MTPN: variants seen among roughly 807,000 people sequenced by gnomAD.
MTPN encodes the protein granule cell differentiation protein.
Under a neutral mutation model 13.5 loss-of-function variants are expected in MTPN, and 2 were observed. The ratio of observed to expected loss-of-function variants is 0.15; its 90% CI spans 0.06 to 0.47. MTPN has a LOEUF of 0.47. Among genes scored for constraint, MTPN ranks in the 20% least tolerant of loss-of-function variants. The probability of loss-of-function intolerance (pLI) is 0.97; values close to 1 mark genes in which losing one functional copy is unlikely to be tolerated. For missense variants in MTPN, 79 were observed against 137.9 expected, an observed-to-expected ratio of 0.57 and a Z score of 2.14; for synonymous variants, 46 against 51.7, an observed-to-expected ratio of 0.89 and a Z score of 0.48.
chr7:135,963,615 T>C (rs1462993623), intron 1 of MTPN, among the ~76,000 whole-genome samples: 1 of 152,062 alleles, frequency 6.6e-6, no homozygotes, highest in Non-Finnish European at 1.5e-5. Context: ...TGACATATTT[T>C]CTGAAATGTT....
intron 1 of MTPN, among the ~76,000 whole-genome samples, chr7:135,955,198 A>C (rs753547474): frequency 3.3e-5 from 5 of 152,212 alleles, no homozygotes; most frequent in Non-Finnish European, 5.9e-5. Flanking sequence ...TACTGGAAAA[A>C]TAGAAAGATT....
intron 1 of MTPN, among the ~76,000 whole-genome samples, chr7:135,952,741 C>T (rs377165819): frequency 6.6e-6 from 1 of 152,160 alleles, no homozygotes; most frequent in Non-Finnish European, 1.5e-5. Context: ...ACTGGTACAT[C>T]ACTTGAGCCT....
chr7:135,933,553 CTTATAG>C (rs1252000891), intron 3 of MTPN, among the ~76,000 whole-genome samples: 1 of 151,968 alleles, frequency 6.6e-6, no homozygotes, highest in East Asian at 1.9e-4. Flanking sequence ...TTTATCAATT[CTTATAG>C]TTAAGTAAGT....
intron 1 of MTPN, among the ~76,000 whole-genome samples, chr7:135,972,160 CA>C (rs34871826): frequency 1.4e-4 from 20 of 139,166 alleles, no homozygotes; most frequent in African/African-American, 2.4e-4. Context: ...GTGTTGTTAG[CA>C]AAAAAAAAAA....
chr7:135,964,088 A>G (rs73164920), intron 1 of MTPN, among the ~76,000 whole-genome samples: 9,891 of 152,072 alleles, frequency 0.065, 358 homozygotes, highest in African/African-American at 0.081. Flanking sequence ...TTTGGAAAAA[A>G]GACTAACAAT....
chr7:135,965,611 A>AGACTG (rs1233377851), intron 1 of MTPN, among the ~76,000 whole-genome samples: 1 of 152,078 alleles, frequency 6.6e-6, no homozygotes, highest in East Asian at 1.9e-4. Flanking sequence ...ACTTTTAGTG[A>AGACTG]GACTGTATAG....
At chr7:135,976,818 A>C (rs1026744283) in intron 1 of MTPN, among the ~76,000 whole-genome samples, 1 of 152,090 alleles carries the variant, frequency 6.6e-6, no homozygotes, top group African/African-American at 2.4e-5. Context: ...TTAACGCAGC[A>C]GTTACCTGAC....
At chr7:135,964,330 G>A (rs1370800220) in intron 1 of MTPN, among the ~76,000 whole-genome samples, 2 of 151,998 alleles carry the variant, frequency 1.3e-5, no homozygotes, top group Non-Finnish European at 2.9e-5. Flanking sequence ...ACCTACCAAA[G>A]AAAACTCATC....
chr7:135,933,025 G>A (rs76995083), intron 3 of MTPN: 11,876 of 150,136 alleles, frequency 0.079, 532 homozygotes, highest in Admixed American at 0.1. Context: ...AGGAGGCGGA[G>A]GTTGCAGTGA....
At chr7:135,932,899 G>T (rs796110757) in intron 3 of MTPN, 1 of 151,992 alleles carries the variant, frequency 6.6e-6, no homozygotes, top group Non-Finnish European at 1.5e-5. Context: ...AGACCAGCCC[G>T]GCCAACATGG....
intron 1 of MTPN, among the ~76,000 whole-genome samples, chr7:135,955,526 C>A (rs1799429312): frequency 6.6e-6 from 1 of 152,110 alleles, no homozygotes; most frequent in South Asian, 2.1e-4. Flanking sequence ...CCAATTCTAC[C>A]CACTCTTCCC....
chr7:135,964,618 C>G (rs1028712366), intron 1 of MTPN, among the ~76,000 whole-genome samples: 2 of 152,038 alleles, frequency 1.3e-5, no homozygotes, highest in Admixed American at 1.3e-4. Context: ...TTTCAGAAAT[C>G]TAGGCCTCTT....
At chr7:135,961,278 A>G (rs1439404889) in intron 1 of MTPN, among the ~76,000 whole-genome samples, 2 of 151,946 alleles carry the variant, frequency 1.3e-5, no homozygotes, top group Non-Finnish European at 2.9e-5. Context: ...CCTATAGATT[A>G]TAAGAACTCA....
chr7:135,950,316 C>T (rs966012932), intron 3 of MTPN, among the ~76,000 whole-genome samples: 2 of 152,124 alleles, frequency 1.3e-5, no homozygotes, highest in Non-Finnish European at 2.9e-5. Context: ...TCTTCTATAT[C>T]ATCAAGTACA....
At position 135,977,138 on chromosome 7, in the gene MTPN, T is replaced by G. The variant is rs1372769460; in HGVS notation, c.-38A>C. 1 of 1,609,186 alleles carries G rather than the reference T, an allele frequency of 6.2e-7. No individual in the cohort carries two copies. Among genetic ancestry groups the G allele is most frequent in the East Asian group, 2.2e-5 (1 of 44,832 alleles). ...GCAGGCCGGTTGGCCGGGCAGAAGA[T>G]GAGGAGGCGGTGGCAGCAGCAAGCG... On this transcript the variant is annotated 5_prime_UTR_variant, in exon 1 of 4. Coordinates refer to ENST00000393085, the MANE Select transcript of MTPN (RefSeq NM_145808.4).
chr7:135,950,639 T>TA lies in MTPN; in HGVS notation c.229dup (p.Tyr77LeufsTer2). 6.2e-7 allele frequency: 1 copy of TA among 1,613,400 alleles called. No homozygotes were observed. Among genetic ancestry groups the TA allele is most frequent in the Non-Finnish European group, 8.5e-7 (1 of 1,179,470 alleles). ...TTTCACACAGGAAACATGACCCTCA[T>TA]AGACAGCAGACAGAAGAGGAGTAAT... On this transcript the variant is annotated frameshift_variant, in exon 3 of 4. Coordinates refer to ENST00000393085, the MANE Select transcript of MTPN (RefSeq NM_145808.4). LOFTEE classifies it high-confidence loss of function.
rs1798926386 is a variant in MTPN, at chr7:135,926,765, C to A, written c.*3161G>T. 1 of 152,708 alleles carries A rather than the reference C, an allele frequency of 6.5e-6. No individual in the cohort carries two copies. The highest frequency in any genetic ancestry group is 2.4e-5 in the African/African-American group (1 of 41,544). The allele number at this position is 152,708 out of a possible 1,614,324, so 9.5% of individuals were successfully genotyped here. A position where few individuals can be genotyped will look rare whatever the true frequency, so the allele number is the denominator to read the frequency against. On this transcript the variant is annotated 3_prime_UTR_variant, in exon 4 of 4. Transcript: ENST00000393085. ...AATGCTGCTGACACATTAGCTGTAG[C>A]ACAATTCAAGTTTATTCCATTTGTT...
chr7:135,954,505 C>T (rs1799411182), intron 1 of MTPN, among the ~76,000 whole-genome samples: 1 of 152,114 alleles, frequency 6.6e-6, no homozygotes, highest in African/African-American at 2.4e-5. Context: ...TAGTTTGCCC[C>T]CCATTATTAA....
intron 1 of MTPN, among the ~76,000 whole-genome samples, chr7:135,965,584 T>C (rs1344553476): frequency 2.0e-5 from 3 of 152,248 alleles, no homozygotes; most frequent in East Asian, 3.9e-4. Flanking sequence ...CAAGGAAGCA[T>C]GCACAAAACT....
Sources: gnomAD v4.1 joint callset for allele counts (sites outside exome capture counted in the v4.1 genomes callset) on GRCh38, gnomAD v4.1.1 for gene constraint, MANE v1.5 for transcripts, NCBI Gene and HGNC (gene_info 2026-07-23, HGNC 2026-07-21) for gene names.